Variants in NLRP4 observed in about 807,000 individuals in gnomAD.
The protein encoded by NLRP4 is NLR family pyrin domain containing 4.
In NLRP4, 44 loss-of-function variants were observed where a neutral mutation model predicts 84.7. That is an observed-to-expected ratio of 0.52 (90% CI 0.41 to 0.67). The LOEUF is 0.67. Ranked by LOEUF, NLRP4 falls within the 30% of genes least tolerant of loss-of-function variation. The probability of loss-of-function intolerance (pLI) is 0.00; values close to 1 mark genes in which losing one functional copy is unlikely to be tolerated. For missense variants in NLRP4, 1,260 were observed against 1,219.4 expected (o/e 1.03, Z -0.50); for synonymous variants, 544 against 476.4 (o/e 1.14, Z -1.85).
intron 5 of NLRP4, 80 bp from the exon 6 acceptor site, chr19:55,867,629 C>A (rs1374644251): frequency 7.5e-7 from 1 of 1,339,688 alleles, no homozygotes; most frequent in African/African-American, 1.4e-5. Flanking sequence ...TGTGGGCTTC[C>A]CGACTCTGAC....
chr19:55,867,055 ACGGTG>A (rs1191530227), intron 5 of NLRP4, among the ~76,000 whole-genome samples: 1 of 151,150 alleles, frequency 6.6e-6, no homozygotes, highest in Non-Finnish European at 1.5e-5. Flanking sequence ...TATAACTGAG[ACGGTG>A]CATCTCAGGT....
intron 5 of NLRP4, among the ~76,000 whole-genome samples, chr19:55,865,672 G>C (rs1012898912): frequency 6.6e-6 from 1 of 152,178 alleles, no homozygotes; most frequent in African/African-American, 2.4e-5. Context: ...ACCTGTGTGA[G>C]ATGGTATCTC....
intron 1 of NLRP4, among the ~76,000 whole-genome samples, chr19:55,849,502 T>G (rs1269919847): frequency 3.3e-5 from 5 of 152,208 alleles, no homozygotes; most frequent in Admixed American, 6.5e-5. Context: ...AGTCCCTTCC[T>G]GATGAAGACT....
chr19:55,862,115 C>T lies in NLRP4; in HGVS notation c.2142C>T (p.Leu714=). 1 of 1,613,972 alleles carries T rather than the reference C, an allele frequency of 6.2e-7. No individual in the cohort carries two copies. The highest frequency in any genetic ancestry group is 8.5e-7 in the Non-Finnish European group (1 of 1,179,812). The part of the protein sequence containing the change: ...TKLSRDDIRS[L]CDALNYPAGN... Reference sequence around the variant, plus strand: ...TCTCTCGTGATGACATCAGGTCCCTCTGTGATGCCTTGAACTACCCAGCAG... The same window carrying T: ...TCTCTCGTGATGACATCAGGTCCCTTTGTGATGCCTTGAACTACCCAGCAG... The change falls in exon 5 of 10, where the codon CTC becomes CTT. Residue 714 remains leucine, a synonymous_variant. Coordinates refer to ENST00000301295, the MANE Select transcript of NLRP4 (RefSeq NM_134444.5).
At chr19:55,871,840 A>C (rs1001503669) in intron 7 of NLRP4, among the ~76,000 whole-genome samples, 1 of 146,928 alleles carries the variant, frequency 6.8e-6, no homozygotes, top group Non-Finnish European at 1.5e-5. Context: ...GCTAAACAGA[A>C]ATAATCTTTT....
intron 2 of NLRP4, among the ~76,000 whole-genome samples, chr19:55,856,803 T>C (rs1163598134): frequency 6.6e-5 from 10 of 152,164 alleles, no homozygotes; most frequent in Non-Finnish European, 1.2e-4. Flanking sequence ...CATGAACCAC[T>C]GCCCCGGCCT....
At chr19:55,867,587 T>TGG in intron 5 of NLRP4, 122 bp from the exon 6 acceptor site, 1 of 794,172 alleles carries the variant, frequency 1.3e-6, no homozygotes, top group Non-Finnish European at 2.1e-6. Flanking sequence ...AGAACAGGGT[T>TGG]GGGAGGCAGT....
At position 55,879,004 on chromosome 19, in the gene NLRP4, C is replaced by T. The variant is rs554263540; in HGVS notation, c.2867+40C>T. 6.2e-5 allele frequency: 95 copies of T among 1,527,144 alleles called. 1 individual carries two copies. The highest frequency in any genetic ancestry group is 2.4e-4 in the Admixed American group (13 of 54,682). The allele number at this position is 1,527,144 out of a possible 1,614,324, so 94.6% of individuals were successfully genotyped here. ...GTTGTGCTCTATGGGCAGAGTGCTC[C>T]GGGCTAAGAAGGGATTGGCTGGGAC... On this transcript the variant is annotated intron_variant, in intron 9 of 9. Coordinates refer to ENST00000301295, the MANE Select transcript of NLRP4 (RefSeq NM_134444.5).
At chr19:55,872,061 G>T (rs1985206053) in intron 7 of NLRP4, among the ~76,000 whole-genome samples, 1 of 151,932 alleles carries the variant, frequency 6.6e-6, no homozygotes, top group Non-Finnish European at 1.5e-5. Context: ...TGCTAGCCAG[G>T]ATGGTCTCAA....
rs1984783590 is a variant in NLRP4, at chr19:55,862,120, A to G, written c.2147A>G (p.Asp716Gly). The change falls in exon 5 of 10, where the codon GAT becomes GGT. Residue 716 changes from aspartate to glycine, a missense_variant. Coordinates refer to ENST00000301295, the MANE Select transcript of NLRP4 (RefSeq NM_134444.5). ...CGTGATGACATCAGGTCCCTCTGTGATGCCTTGAACTACCCAGCAGGCAAC... is the reference window on the plus strand; with the variant it reads ...CGTGATGACATCAGGTCCCTCTGTGGTGCCTTGAACTACCCAGCAGGCAAC... Reference protein sequence around the residue: ...LSRDDIRSLCDALNYPAGNVK... With the variant: ...LSRDDIRSLCGALNYPAGNVK... 6.2e-7 allele frequency: 1 copy of G among 1,613,788 alleles called. No individual in the cohort carries two copies. Among genetic ancestry groups the G allele is most frequent in the Non-Finnish European group, 8.5e-7 (1 of 1,179,776 alleles).
At chr19:55,869,145 A>G (rs980020954) in intron 6 of NLRP4, among the ~76,000 whole-genome samples, 21 of 152,044 alleles carry the variant, frequency 1.4e-4, no homozygotes, top group Admixed American at 3.9e-4. Context: ...GGGAACCCAG[A>G]TGGAAGTTGG....
chr19:55,851,697 TGCG>T (rs1984160631), intron 1 of NLRP4, among the ~76,000 whole-genome samples: 19 of 109,378 alleles, frequency 1.7e-4, no homozygotes. Flanking sequence ...TGTCCGAGGC[TGCG>T]GTGTAATGTC....
intron 2 of NLRP4, among the ~76,000 whole-genome samples, chr19:55,855,249 T>G (rs1600227683): frequency 1.3e-5 from 2 of 152,214 alleles, no homozygotes; most frequent in South Asian, 4.1e-4. Flanking sequence ...TCTTTGCACA[T>G]GGAACCATTT....
At chr19:55,849,374 A>G (rs1461380251) in intron 1 of NLRP4, among the ~76,000 whole-genome samples, 2 of 152,178 alleles carry the variant, frequency 1.3e-5, no homozygotes, top group African/African-American at 2.4e-5. Context: ...GACTAAGACT[A>G]TACTTCCAGG....
intron 1 of NLRP4, among the ~76,000 whole-genome samples, chr19:55,843,788 C>T (rs74182576): frequency 0.1 from 15,211 of 151,862 alleles, 887 homozygotes; most frequent in Middle Eastern, 0.14. Flanking sequence ...ATGGCAAAAA[C>T]CACAATTACT....
chr19:55,843,218 C>T (rs146407190), intron 1 of NLRP4, among the ~76,000 whole-genome samples: 403 of 152,230 alleles, frequency 2.6e-3, no homozygotes, highest in Middle Eastern at 0.014. Flanking sequence ...TTATTGTCCT[C>T]CCCTTGCCTT....
intron 5 of NLRP4, among the ~76,000 whole-genome samples, chr19:55,862,861 G>A (rs1984815828): frequency 6.6e-6 from 1 of 152,232 alleles, no homozygotes; most frequent in African/African-American, 2.4e-5. Context: ...TGCAAACTTA[G>A]TTTCCTGAGA....
At position 55,862,078 on chromosome 19, in the gene NLRP4, C is replaced by A; in HGVS notation, c.2105C>A (p.Thr702Asn). The change falls in exon 5 of 10, where the codon ACC (threonine) becomes AAC (asparagine). Residue 702 changes from threonine to asparagine, a missense_variant. Thr to Asn is a moderately conservative substitution (Grantham distance 65). Coordinates refer to ENST00000301295, the MANE Select transcript of NLRP4 (RefSeq NM_134444.5). ...CCAGACTTGAAATACCTGAGCTTCA[C>A]CCTCACGAAACTCTCTCGTGATGAC... ...YQPDLKYLSF[T>N]LTKLSRDDIR... is the part of the protein sequence containing the mutation. The A allele has an allele frequency of 6.2e-7, 1 of 1,612,098 alleles. No homozygotes were observed. Among genetic ancestry groups the A allele is most frequent in the Non-Finnish European group, 8.5e-7 (1 of 1,178,082 alleles).
In NLRP4 at chr19:55,879,138, T is replaced by C. The variant is rs149204529; in HGVS notation, c.2867+174T>C. On this transcript the variant is annotated intron_variant, in intron 9 of 9. Transcript: ENST00000301295. ...AGTATAAAACTCTTACCACAGTAAG[T>C]GGTGAACAGTGAATGTCCAACAAAT... Among the ~76,000 whole-genome samples, 13 of 152,266 alleles carry C rather than the reference T, an allele frequency of 8.5e-5. No individual in the cohort carries two copies. In the East Asian group the frequency reaches 2.5e-3, roughly 29 times the overall value.
Sources: gnomAD v4.1 joint callset for allele counts (sites outside exome capture counted in the v4.1 genomes callset) on GRCh38, gnomAD v4.1.1 for gene constraint, MANE v1.5 for transcripts, NCBI Gene and HGNC (gene_info 2026-07-23, HGNC 2026-07-21) for gene names.